Variants in CERS6 observed in about 807,000 individuals in gnomAD.
The protein encoded by CERS6 is LAG1 homolog, ceramide synthase 6.
Under a neutral mutation model 56.8 loss-of-function variants are expected in CERS6, and 26 were observed. The observed-to-expected ratio is 0.46, with a 90% CI of 0.34 to 0.63. The LOEUF is 0.63. Ranked by LOEUF, CERS6 falls within the 30% of genes least tolerant of loss-of-function variation. The pLI is 0.01. For synonymous variants in CERS6, 164 were observed against 173.3 expected, an observed-to-expected ratio of 0.95 and a Z score of 0.42; for missense variants, 415 against 467.5, an observed-to-expected ratio of 0.89 and a Z score of 1.04.
intron 3 of CERS6, among the ~76,000 whole-genome samples, chr2:168,592,086 G>A (rs934348442): frequency 6.6e-6 from 1 of 152,114 alleles, no homozygotes; most frequent in African/African-American, 2.4e-5. Flanking sequence ...TTTAGGAGGG[G>A]GGATGAGAAT....
intron 3 of CERS6, among the ~76,000 whole-genome samples, chr2:168,562,347 A>G (rs1481812496): frequency 6.6e-6 from 1 of 152,218 alleles, no homozygotes; most frequent in African/African-American, 2.4e-5. Context: ...TAGAGAAACA[A>G]CAGTGGGCCC....
chr2:168,537,563 G>A (rs940164846), intron 1 of CERS6, among the ~76,000 whole-genome samples: 13 of 151,936 alleles, frequency 8.6e-5, no homozygotes, highest in Non-Finnish European at 1.6e-4. Flanking sequence ...ATGTATTATA[G>A]ATTTTCATGT....
At chr2:168,597,991 TTATC>T (rs1195479011) in intron 3 of CERS6, among the ~76,000 whole-genome samples, 1 of 152,222 alleles carries the variant, frequency 6.6e-6, no homozygotes, top group African/African-American at 2.4e-5. Context: ...TTTTTGTCCT[TTATC>T]TATAGGTGTA....
At chr2:168,536,666 G>A (rs1276894681) in intron 1 of CERS6, among the ~76,000 whole-genome samples, 2 of 152,138 alleles carry the variant, frequency 1.3e-5, no homozygotes, top group Non-Finnish European at 2.9e-5. Context: ...AATATTCACA[G>A]TAGGAAAGTA....
At chr2:168,760,775 A>T (rs914311059) in intron 8 of CERS6, among the ~76,000 whole-genome samples, 3 of 141,646 alleles carry the variant, frequency 2.1e-5, no homozygotes, top group African/African-American at 9.2e-5. Flanking sequence ...TATTTTTTTG[A>T]GACGGAGTCT....
At chr2:168,701,707 TA>T (rs1331227938) in intron 6 of CERS6, among the ~76,000 whole-genome samples, 1 of 152,106 alleles carries the variant, frequency 6.6e-6, no homozygotes, top group African/African-American at 2.4e-5. Flanking sequence ...GTCTTTTATA[TA>T]AAATGGTATA....
chr2:168,718,684 C>T (rs1687287045), intron 8 of CERS6, among the ~76,000 whole-genome samples: 1 of 152,230 alleles, frequency 6.6e-6, no homozygotes, highest in Non-Finnish European at 1.5e-5. Flanking sequence ...GATTCCTGCT[C>T]CACCCCTGAA....
At chr2:168,714,247 A>G (rs1687171702) in intron 6 of CERS6, among the ~76,000 whole-genome samples, 1 of 152,220 alleles carries the variant, frequency 6.6e-6, no homozygotes. Flanking sequence ...CGCCTTGAGC[A>G]TTAAGATTTT....
intron 3 of CERS6, chr2:168,606,454 T>C (rs1684055509): frequency 6.6e-6 from 1 of 152,230 alleles, no homozygotes; most frequent in African/African-American, 2.4e-5. Context: ...TAATGTTCTC[T>C]GGATCCTTCC....
chr2:168,743,719 C>T (rs1416622456), intron 8 of CERS6, among the ~76,000 whole-genome samples: 1 of 152,134 alleles, frequency 6.6e-6, no homozygotes, highest in Non-Finnish European at 1.5e-5. Flanking sequence ...CTGTAATCAA[C>T]ATTGCTCTCT....
chr2:168,497,336 A>G (rs1289816034), intron 1 of CERS6, among the ~76,000 whole-genome samples: 1 of 152,222 alleles, frequency 6.6e-6, no homozygotes, highest in South Asian at 2.1e-4. Flanking sequence ...CTATGAGAAA[A>G]TAAAATGTGT....
At chr2:168,595,330 A>G (rs1038843451) in intron 3 of CERS6, among the ~76,000 whole-genome samples, 1 of 152,204 alleles carries the variant, frequency 6.6e-6, no homozygotes, top group Non-Finnish European at 1.5e-5. Flanking sequence ...GTCTGAAGAA[A>G]GTATTATTTA....
chr2:168,589,072 G>A (rs998900661), intron 3 of CERS6, among the ~76,000 whole-genome samples: 1 of 152,172 alleles, frequency 6.6e-6, no homozygotes, highest in South Asian at 2.1e-4. Flanking sequence ...ATAGAAGTGG[G>A]ATTGCTGCAT....
chr2:168,552,495 G>A (rs1308420863), intron 2 of CERS6, among the ~76,000 whole-genome samples: 1 of 151,992 alleles, frequency 6.6e-6, no homozygotes, highest in African/African-American at 2.4e-5. Context: ...ACATATAAAG[G>A]CTACCTAGAT....
chr2:168,686,431 G>A (rs369268746), intron 4 of CERS6, among the ~76,000 whole-genome samples: 23 of 123,882 alleles, frequency 1.9e-4, no homozygotes, highest in African/African-American at 5.2e-4. Flanking sequence ...ATAAAAAGAC[G>A]CAATTTCTGT....
chr2:168,663,359 T>C (rs1178654927), intron 4 of CERS6, among the ~76,000 whole-genome samples: 1 of 152,162 alleles, frequency 6.6e-6, no homozygotes, highest in African/African-American at 2.4e-5. Context: ...ATAAAGGCAG[T>C]CAAGCAGTTC....
Position 168,770,510 on chromosome 2 carries a change from T to C in CERS6, c.*848T>C, listed in dbSNP as rs1684836545. 6.5e-6 allele frequency: 1 copy of C among 152,676 alleles called. No homozygotes were observed. The highest frequency in any genetic ancestry group is 6.5e-5 in the Admixed American group (1 of 15,286). 9.5% of individuals were successfully genotyped at this position (152,676 alleles called of 1,614,324 possible). ...GTTAAGAATGGGAATTTGTCCTGTG[T>C]TCTGGGAATAACATAAAGAGAGCAA... On this transcript the variant is annotated 3_prime_UTR_variant, in exon 10 of 10. Coordinates refer to ENST00000305747, the MANE Select transcript of CERS6 (RefSeq NM_203463.3).
intron 1 of CERS6, among the ~76,000 whole-genome samples, chr2:168,460,090 TATTG>T: frequency 6.6e-6 from 1 of 152,374 alleles, no homozygotes; most frequent in Non-Finnish European, 1.5e-5. Context: ...CTTTGTAACT[TATTG>T]TTTTCACCCT....
At chr2:168,499,263 AT>A (rs1468951617) in intron 1 of CERS6, among the ~76,000 whole-genome samples, 3 of 152,212 alleles carry the variant, frequency 2.0e-5, no homozygotes, top group Non-Finnish European at 4.4e-5. Flanking sequence ...TTTGAGCAAT[AT>A]AAGAGCCGAA....
Sources: gnomAD v4.1 joint callset for allele counts (sites outside exome capture counted in the v4.1 genomes callset) on GRCh38, gnomAD v4.1.1 for gene constraint, MANE v1.5 for transcripts, NCBI Gene and HGNC (gene_info 2026-07-23, HGNC 2026-07-21) for gene names.